GOLGB1: variants seen among roughly 807,000 people sequenced by gnomAD.
GOLGB1 encodes the protein golgin B1.
A neutral mutation model predicts 336.9 loss-of-function variants in GOLGB1; 174 were observed. The ratio of observed to expected loss-of-function variants is 0.52; its 90% CI spans 0.46 to 0.59. The LOEUF is 0.59. GOLGB1 is among the 20% of genes least tolerant of loss of function. The probability of loss-of-function intolerance (pLI) is 0.00; values close to 1 mark genes in which losing one functional copy is unlikely to be tolerated. For missense variants in GOLGB1, 3,331 were observed against 3,645.3 expected (o/e 0.91, Z 2.22); for synonymous variants, 1,208 against 1,289.2 (o/e 0.94, Z 1.35).
chr3:121,686,944 A>G (rs1288133210), intron 14 of GOLGB1, among the ~76,000 whole-genome samples: 1 of 152,140 alleles, frequency 6.6e-6, no homozygotes, highest in Admixed American at 6.5e-5. Flanking sequence ...ATGAGTAGGG[A>G]GCAGTAAAAG....
chr3:121,712,158 T>C (rs1416021939), intron 10 of GOLGB1, among the ~76,000 whole-genome samples: 1 of 152,162 alleles, frequency 6.6e-6, no homozygotes, highest in Admixed American at 6.5e-5. Context: ...CAGAAATAGA[T>C]GTATTAGTCT....
rs749800842 is a variant in GOLGB1, at chr3:121,690,815, C to T, written c.8549G>A (p.Arg2850Lys). 1 of 1,609,388 alleles carries T rather than the reference C, an allele frequency of 6.2e-7. No individual in the cohort carries two copies. The highest frequency in any genetic ancestry group is 8.5e-7 in the Non-Finnish European group (1 of 1,177,852). ...SKAMASLQNERDHLWNELEKF... is the reference protein window; with the variant it reads ...SKAMASLQNEKDHLWNELEKF... ...CTCCAGCTCATTCCACAGGTGATCTCTCTCATTCTGCAGACTGGCCATAGC... is the reference window on the plus strand; with the variant it reads ...CTCCAGCTCATTCCACAGGTGATCTTTCTCATTCTGCAGACTGGCCATAGC... Residue 2850 changes from arginine to lysine, a missense_variant, in exon 14 of 22, where the codon AGA (arginine) becomes AAA (lysine). By Grantham distance (26) the Arg-to-Lys change is conservative. Coordinates refer to ENST00000614479, the MANE Select transcript of GOLGB1 (RefSeq NM_001366282.2).
chr3:121,724,617 A>G (rs1945433222), intron 5 of GOLGB1, among the ~76,000 whole-genome samples: 1 of 152,164 alleles, frequency 6.6e-6, no homozygotes, highest in South Asian at 2.1e-4. Context: ...AAGAATGGAG[A>G]AGATTTCAGG....
At chr3:121,732,037 T>G (rs1461614683) in intron 1 of GOLGB1, among the ~76,000 whole-genome samples, 1 of 152,080 alleles carries the variant, frequency 6.6e-6, no homozygotes, top group African/African-American at 2.4e-5. Flanking sequence ...ACACTACAAA[T>G]AGCCCTATAC....
chr3:121,695,493 T>A lies in GOLGB1; in HGVS notation c.5030A>T (p.Glu1677Val). The change falls in exon 13 of 22, where the codon GAG becomes GTG. Residue 1677 changes from glutamate (E) to valine (V), a missense_variant. Transcript: ENST00000614479. ...KQLQEAEQEM[E>V]EMKEKMRKFA... ...CTTTCTCATCTTTTCTTTCATTTCCTCCATTTCTTGCTCAGCTTCCTGCAA... is the reference window on the plus strand; with the variant it reads ...CTTTCTCATCTTTTCTTTCATTTCCACCATTTCTTGCTCAGCTTCCTGCAA... The A allele has an allele frequency of 6.2e-7, 1 of 1,614,088 alleles. No individual in the cohort carries two copies. The highest frequency in any genetic ancestry group is 2.2e-5 in the East Asian group (1 of 44,870).
In GOLGB1 at chr3:121,749,650, G is replaced by C. The variant is rs1947624952; in HGVS notation, c.-21C>G. On this transcript the variant is annotated 5_prime_UTR_variant, in exon 1 of 22. Transcript: ENST00000614479. The stretch of plus-strand genomic sequence containing the variant: ...TACTCACCTAGAAGCGCTGCCGCCT[G>C]AGGCTCCAGCTGCCCCCCTCCCAAT... 6.6e-6 allele frequency: 1 copy of C among 152,370 alleles called. No homozygotes were observed. Among genetic ancestry groups the C allele is most frequent in the Admixed American group, 6.5e-5 (1 of 15,282 alleles). 9.4% of individuals were successfully genotyped at this position (152,370 alleles called of 1,614,324 possible).
intron 1 of GOLGB1, chr3:121,748,699 C>G (rs1444263989): frequency 2.2e-6 from 1 of 451,674 alleles, no homozygotes; most frequent in Non-Finnish European, 2.9e-6. Context: ...GAGCCCTCCA[C>G]TTGCTTGCAT....
At chr3:121,682,034 A>G (rs891752485) in intron 14 of GOLGB1, among the ~76,000 whole-genome samples, 169 bp from the exon 15 acceptor site, 1 of 152,258 alleles carries the variant, frequency 6.6e-6, no homozygotes, top group East Asian at 1.9e-4. Context: ...AGTGAAATAC[A>G]TGCAGCTAGG....
intron 11 of GOLGB1, among the ~76,000 whole-genome samples, chr3:121,700,305 G>C (rs1208686761): frequency 6.6e-6 from 1 of 151,908 alleles, no homozygotes; most frequent in Non-Finnish European, 1.5e-5. Flanking sequence ...TCAAATTTTA[G>C]CACTAAAAGG....
chr3:121,708,251 T>G lies in GOLGB1; in HGVS notation c.1405-5656A>C, dbSNP rs1486685430. ...GTGGTTGTCTAGGTAGGGAAAGATG[T>G]GAGGGAAAAGATTAAAAGAGGACAT... On this transcript the variant is annotated intron_variant, in intron 10 of 21. Transcript: ENST00000614479. Among the ~76,000 whole-genome samples, 6 of 151,768 alleles carry G rather than the reference T, an allele frequency of 4.0e-5. No individual in the cohort carries two copies. The East Asian group carries it at 9.7e-4, about 24-fold the overall frequency.
At chr3:121,715,999 A>C (rs1053366284) in intron 9 of GOLGB1, among the ~76,000 whole-genome samples, 60 of 152,138 alleles carry the variant, frequency 3.9e-4, no homozygotes, top group Non-Finnish European at 6.5e-4. Context: ...TCACAAAAAA[A>C]AAAAAACAAA....
intron 1 of GOLGB1, among the ~76,000 whole-genome samples, chr3:121,733,287 CAAAAAAAAAAA>C (rs35457720): frequency 7.7e-5 from 5 of 64,650 alleles, no homozygotes; most frequent in Non-Finnish European, 5.4e-5. Context: ...TGCTCCGTCT[CAAAAAAAAAAA>C]AAAAAAAAAA....
chr3:121,699,569 G>C (rs1251055017), intron 12 of GOLGB1, among the ~76,000 whole-genome samples: 1 of 152,060 alleles, frequency 6.6e-6, no homozygotes, highest in African/African-American at 2.4e-5. Context: ...AAAAAAATGT[G>C]TTATCAAATC....
intron 5 of GOLGB1, among the ~76,000 whole-genome samples, chr3:121,723,609 C>T (rs959384994): frequency 6.6e-6 from 1 of 152,060 alleles, no homozygotes; most frequent in African/African-American, 2.4e-5. Flanking sequence ...TGTGGATATA[C>T]CACAGTTTAA....
chr3:121,676,784 C>G, intron 17 of GOLGB1, 109 bp downstream of exon 17: 2 of 950,900 alleles, frequency 2.1e-6, no homozygotes, highest in Non-Finnish European at 3.3e-6. Flanking sequence ...ACTTCTGTAC[C>G]CTAAGATATG....
chr3:121,731,579 T>C (rs1946122660), intron 1 of GOLGB1, among the ~76,000 whole-genome samples: 1 of 152,154 alleles, frequency 6.6e-6, no homozygotes, highest in Non-Finnish European at 1.5e-5. Flanking sequence ...CTTGTTCAAA[T>C]AAACTCCATG....
At chr3:121,679,468 C>T (rs144059249) in intron 15 of GOLGB1, among the ~76,000 whole-genome samples, 34 of 152,274 alleles carry the variant, frequency 2.2e-4, no homozygotes, top group East Asian at 7.7e-4. Flanking sequence ...TATCCCAAAC[C>T]GGATACTGGA....
intron 1 of GOLGB1, among the ~76,000 whole-genome samples, chr3:121,734,206 A>G (rs1335440301): frequency 6.6e-6 from 1 of 152,068 alleles, no homozygotes; most frequent in East Asian, 1.9e-4. Flanking sequence ...CCTGGCCAAC[A>G]TGGCAAAACC....
chr3:121,738,312 G>A (rs1482004999), intron 1 of GOLGB1, among the ~76,000 whole-genome samples: 1 of 152,198 alleles, frequency 6.6e-6, no homozygotes, highest in Admixed American at 6.5e-5. Flanking sequence ...GGGGCCCCAT[G>A]GATTTTGTAT....
Sources: gnomAD v4.1 joint callset for allele counts (sites outside exome capture counted in the v4.1 genomes callset) on GRCh38, gnomAD v4.1.1 for gene constraint, MANE v1.5 for transcripts, NCBI Gene and HGNC (gene_info 2026-07-23, HGNC 2026-07-21) for gene names.